MSI2: variants seen among roughly 807,000 people sequenced by gnomAD.
The protein encoded by MSI2 is RNA-binding protein Musashi homolog 2.
A neutral mutation model predicts 45.6 loss-of-function variants in MSI2; 17 were observed. That is an observed-to-expected ratio of 0.37 (90% CI 0.26 to 0.56). The LOEUF is 0.56. MSI2 is among the 20% of genes least tolerant of loss of function. The pLI, the probability that MSI2 is intolerant of heterozygous loss-of-function variation, is 0.77. For synonymous variants in MSI2, 156 were observed against 158.2 expected (o/e 0.99, Z 0.11); for missense variants, 293 against 444.2 (o/e 0.66, Z 3.06).
chr17:57,571,245 G>C (rs2087869555), intron 7 of MSI2, among the ~76,000 whole-genome samples: 1 of 152,166 alleles, frequency 6.6e-6, no homozygotes, highest in Non-Finnish European at 1.5e-5. Context: ...TTTACTGCCT[G>C]TCACTGTTGA....
intron 5 of MSI2, chr17:57,274,601 A>T (rs1344863751): frequency 6.6e-6 from 1 of 152,232 alleles, no homozygotes; most frequent in Non-Finnish European, 1.5e-5. Context: ...AACGCTAAGT[A>T]CTGCTGTCTT....
intron 7 of MSI2, among the ~76,000 whole-genome samples, chr17:57,580,997 TCAG>T (rs2088187267): frequency 7.0e-6 from 1 of 143,634 alleles, no homozygotes; most frequent in Non-Finnish European, 1.5e-5. Flanking sequence ...CCCCATGAGG[TCAG>T]CATCTTTTTT....
chr17:57,420,115 G>C (rs375481876), intron 6 of MSI2, among the ~76,000 whole-genome samples: 2 of 152,172 alleles, frequency 1.3e-5, no homozygotes, highest in South Asian at 4.1e-4. Context: ...TCCTGGGGTA[G>C]CTCTGTTGAC....
At chr17:57,406,241 C>A (rs1376066220) in intron 6 of MSI2, among the ~76,000 whole-genome samples, 2 of 151,842 alleles carry the variant, frequency 1.3e-5, no homozygotes, top group African/African-American at 2.4e-5. Flanking sequence ...CCCGTGTAGA[C>A]CCTGGCGACG....
chr17:57,677,417 GA>G (rs1913311660), intron 13 of MSI2, among the ~76,000 whole-genome samples: 1 of 152,198 alleles, frequency 6.6e-6, no homozygotes, highest in African/African-American at 2.4e-5. Flanking sequence ...GTCCCAGGGG[GA>G]TAGAGGCAGG....
At chr17:57,448,314 A>C (rs2143522440) in intron 6 of MSI2, 1 of 152,372 alleles carries the variant, frequency 6.6e-6, no homozygotes, top group South Asian at 2.1e-4. Context: ...TTAGATGCTC[A>C]GAGAAAAATT....
intron 6 of MSI2, among the ~76,000 whole-genome samples, chr17:57,505,646 A>G (rs977907512): frequency 4.6e-5 from 7 of 152,148 alleles, no homozygotes; most frequent in Admixed American, 2.6e-4. Context: ...TTGCCAGGGG[A>G]GTAAAAACCA....
At chr17:57,565,323 C>G (rs1187721225) in intron 7 of MSI2, among the ~76,000 whole-genome samples, 1 of 152,244 alleles carries the variant, frequency 6.6e-6, no homozygotes, top group Non-Finnish European at 1.5e-5. Flanking sequence ...CCTTCCCAGC[C>G]TCACGCTGTA....
intron 11 of MSI2, among the ~76,000 whole-genome samples, chr17:57,670,810 C>T (rs150674295): frequency 6.6e-6 from 1 of 152,324 alleles, no homozygotes; most frequent in African/African-American, 2.4e-5. Flanking sequence ...CCTCTGCATA[C>T]ATAACTATTT....
chr17:57,672,924 T>A (rs1912917159), intron 11 of MSI2, among the ~76,000 whole-genome samples: 1 of 152,254 alleles, frequency 6.6e-6, no homozygotes, highest in African/African-American at 2.4e-5. Flanking sequence ...CCATCCCTTT[T>A]TTCTGCCAGC....
At chr17:57,409,324 A>G (rs2084144410) in intron 6 of MSI2, among the ~76,000 whole-genome samples, 1 of 152,212 alleles carries the variant, frequency 6.6e-6, no homozygotes, top group African/African-American at 2.4e-5. Context: ...TTGAGTGGAA[A>G]TGAAGTCATC....
At chr17:57,483,978 T>C (rs1275106919) in intron 6 of MSI2, among the ~76,000 whole-genome samples, 1 of 152,120 alleles carries the variant, frequency 6.6e-6, no homozygotes, top group African/African-American at 2.4e-5. Context: ...TAGTGGAGAA[T>C]AAGTATAAAA....
intron 5 of MSI2, among the ~76,000 whole-genome samples, chr17:57,330,235 G>GTC (rs1914128991): frequency 6.6e-6 from 1 of 150,884 alleles, no homozygotes; most frequent in Non-Finnish European, 1.5e-5. Flanking sequence ...TCTCTTGATT[G>GTC]TCCTTCTCCT....
chr17:57,473,439 C>T (rs2085478084), intron 6 of MSI2, among the ~76,000 whole-genome samples: 2 of 151,764 alleles, frequency 1.3e-5, no homozygotes, highest in South Asian at 4.2e-4. Flanking sequence ...CAGCCCAGAG[C>T]CTTTGCCATG....
chr17:57,335,007 T>C (rs1311622999), intron 5 of MSI2, among the ~76,000 whole-genome samples: 1 of 151,978 alleles, frequency 6.6e-6, no homozygotes, highest in Non-Finnish European at 1.5e-5. Flanking sequence ...TAATTTAAAA[T>C]AAGCATAATC....
chr17:57,457,917 GAAATA>G (rs1038283448), intron 6 of MSI2, among the ~76,000 whole-genome samples: 9 of 151,592 alleles, frequency 5.9e-5, no homozygotes, highest in Admixed American at 4.0e-4. Context: ...TTTAAAAGAA[GAAATA>G]AAATAAAATA....
the MSI2 span, among the ~76,000 whole-genome samples, chr17:57,692,600 G>A: frequency 6.6e-6 from 1 of 151,934 alleles, no homozygotes; most frequent in Non-Finnish European, 1.5e-5. Flanking sequence ...AATACTTTTT[G>A]TAATGCAAAT....
At chr17:57,372,559 GA>G (rs1447656061) in intron 5 of MSI2, among the ~76,000 whole-genome samples, 3 of 152,132 alleles carry the variant, frequency 2.0e-5, no homozygotes, top group African/African-American at 4.8e-5. Context: ...CTTTTTGGAG[GA>G]AAAAAGTTAC....
Position 57,407,744 on chromosome 17 carries a change from A to T in MSI2, c.405+6273A>T, listed in dbSNP as rs1023922804. ...GGCTGGACCAGGAAGGACCATGCGC[A>T]CGCTCTTCCCTGGCTGAAGGCTACT... On this transcript the variant is annotated intron_variant, in intron 6 of 13. Transcript: ENST00000284073. The surrounding 1 kb of genome is among the most constrained non-coding windows in gnomAD (Gnocchi z 4.1). 1.4e-4 allele frequency among the ~76,000 whole-genome samples: 22 copies of T among 152,280 alleles called. No individual in the cohort carries two copies. The highest frequency in any genetic ancestry group is 6.2e-4 in the South Asian group (3 of 4,824).
Sources: allele counts gnomAD v4.1 joint callset (sites outside exome capture counted in the v4.1 genomes callset), GRCh38; gene constraint gnomAD v4.1.1; non-coding constraint Gnocchi (gnomAD v3.1); transcripts MANE v1.5; gene names NCBI Gene and HGNC (gene_info 2026-07-23, HGNC 2026-07-21).